Variants in SLCO2A1 observed in about 807,000 individuals in gnomAD.
The protein encoded by SLCO2A1 is matrin F/G 1.
Under a neutral mutation model 71.7 loss-of-function variants are expected in SLCO2A1, and 60 were observed. The ratio of observed to expected loss-of-function variants is 0.84; its 90% CI spans 0.68 to 1.04. The LOEUF is 1.04. Ranked by LOEUF, SLCO2A1 falls within the 50% of genes least tolerant of loss-of-function variation. SLCO2A1 has a pLI of 0.00. For missense variants in SLCO2A1, 745 were observed against 813.4 expected, an observed-to-expected ratio of 0.92 and a Z score of 1.02; for synonymous variants, 308 against 326.7, an observed-to-expected ratio of 0.94 and a Z score of 0.62.
chr3:133,958,721 G>A (rs986503071), intron 3 of SLCO2A1, among the ~76,000 whole-genome samples: 13 of 152,368 alleles, frequency 8.5e-5, no homozygotes, highest in African/African-American at 3.1e-4. Context: ...ATGCATTTCT[G>A]AAGGACATAT....
intron 2 of SLCO2A1, among the ~76,000 whole-genome samples, chr3:133,978,155 T>C (rs1934503822): frequency 6.6e-6 from 1 of 152,128 alleles, no homozygotes; most frequent in Admixed American, 6.5e-5. Flanking sequence ...CCAATGAAGA[T>C]TCCAGCGATG....
chr3:133,935,394 GCCC>G (rs1427790152), intron 13 of SLCO2A1, among the ~76,000 whole-genome samples: 1 of 152,140 alleles, frequency 6.6e-6, no homozygotes, highest in Non-Finnish European at 1.5e-5. Context: ...CCATGATGTG[GCCC>G]CCCTCTGTCT....
At chr3:133,971,749 T>G (rs1007470416) in intron 3 of SLCO2A1, among the ~76,000 whole-genome samples, 2 of 152,212 alleles carry the variant, frequency 1.3e-5, no homozygotes, top group Non-Finnish European at 2.9e-5. Flanking sequence ...TGAGCATCTA[T>G]GAACTAGGCC....
chr3:133,962,593 C>T (rs533957818), intron 3 of SLCO2A1, among the ~76,000 whole-genome samples: 1 of 152,260 alleles, frequency 6.6e-6, no homozygotes, highest in East Asian at 1.9e-4. Context: ...GAATGGGGGA[C>T]TTGAGTCTCT....
chr3:133,973,878 C>A lies in SLCO2A1; in HGVS notation c.235-53G>T, dbSNP rs140830053. On this transcript the variant is annotated intron_variant, in intron 2 of 13. Coordinates refer to ENST00000310926, the MANE Select transcript of SLCO2A1 (RefSeq NM_005630.3). Reference sequence around the variant, plus strand: ...AGACAAGAGGCCCTGTCCTCACCCACCCACAGAGAAGACCCGATCACACTT... The same window carrying A: ...AGACAAGAGGCCCTGTCCTCACCCAACCACAGAGAAGACCCGATCACACTT... 208 of 1,544,066 alleles carry A rather than the reference C, an allele frequency of 1.3e-4. No individual in the cohort carries two copies. In the East Asian group the frequency reaches 4.3e-3, roughly 32 times the overall value.
intron 3 of SLCO2A1, among the ~76,000 whole-genome samples, chr3:133,963,227 A>C (rs577829119): frequency 6.6e-6 from 1 of 152,302 alleles, no homozygotes; most frequent in African/African-American, 2.4e-5. Context: ...AGTCTCTGTC[A>C]GGAAGGTCTA....
At position 133,955,171 on chromosome 3, in the gene SLCO2A1, G is replaced by A. The variant is rs1576432832; in HGVS notation, c.420C>T (p.Ala140=). 7 of 1,613,748 alleles carry A rather than the reference G, an allele frequency of 4.3e-6. No individual in the cohort carries two copies. The highest frequency in any genetic ancestry group is 1.3e-5 in the African/African-American group (1 of 75,040). Reference sequence around the variant, plus strand: ...CCTGCCAATGCTTCTGGCAGAGCTCGGCCTGCAAGCGGCTGTTGTTCCCTG... The same window carrying A: ...CCTGCCAATGCTTCTGGCAGAGCTCAGCCTGCAAGCGGCTGTTGTTCCCTG... ...ASTGNNSRLQ[A]ELCQKHWQDL... The change falls in exon 4 of 14, where the codon GCC becomes GCT. Residue 140 remains alanine, a synonymous_variant. Coordinates refer to ENST00000310926, the MANE Select transcript of SLCO2A1 (RefSeq NM_005630.3).
intron 3 of SLCO2A1, among the ~76,000 whole-genome samples, chr3:133,965,733 T>C (rs927161734): frequency 8.6e-5 from 13 of 151,996 alleles, no homozygotes; most frequent in Non-Finnish European, 1.9e-4. Context: ...CCCTCTGTCT[T>C]CTTCTCAGGG....
Position 133,995,152 on chromosome 3 carries a change from C to CTA in SLCO2A1, c.97-15535_97-15534insTA, listed in dbSNP as rs537127159. On this transcript the variant is annotated intron_variant, in intron 1 of 13. Coordinates refer to ENST00000310926, the MANE Select transcript of SLCO2A1 (RefSeq NM_005630.3). ...AAACCCCTAGAGCCCCTCTCAGTCA[C>CTA]CACACACCTCCAGGGGAGCCAGTCT... Among the ~76,000 whole-genome samples, 327 of 93,430 alleles carry CTA rather than the reference C, an allele frequency of 3.5e-3. 2 individuals are homozygous for CTA. Among genetic ancestry groups the CTA allele is most frequent in the African/African-American group, 0.01 (309 of 29,978 alleles). The allele number at this position is 93,430 out of a possible 152,430, so 61.3% of individuals were successfully genotyped here.
chr3:133,949,208 C>T (rs1288780861), intron 6 of SLCO2A1: 5 of 553,830 alleles, frequency 9.0e-6, no homozygotes, highest in Admixed American at 3.1e-5. Flanking sequence ...ATGCCTCCCA[C>T]GATACCTGTG....
At chr3:133,953,183 T>A (rs1480805763) in intron 5 of SLCO2A1, among the ~76,000 whole-genome samples, 1 of 152,014 alleles carries the variant, frequency 6.6e-6, no homozygotes, top group Non-Finnish European at 1.5e-5. Flanking sequence ...ACTACAGGCA[T>A]CTGCCACCAC....
Position 133,938,547 on chromosome 3 carries a change from C to T in SLCO2A1, c.1626-54G>A. The T allele has an allele frequency of 3.2e-6, 5 of 1,569,220 alleles. No individual in the cohort carries two copies. In the South Asian group the frequency reaches 4.4e-5, roughly 14 times the overall value. ...GGGAGGATTCAGGGCTGCACGATCCCTTGGGTAAGGGGCAGCCAGCCTCAG... is the reference window on the plus strand; with the variant it reads ...GGGAGGATTCAGGGCTGCACGATCCTTTGGGTAAGGGGCAGCCAGCCTCAG... On this transcript the variant is annotated intron_variant, in intron 11 of 13. Transcript: ENST00000310926.
intron 3 of SLCO2A1, among the ~76,000 whole-genome samples, chr3:133,968,836 C>T (rs561110527): frequency 6.6e-6 from 1 of 152,186 alleles, no homozygotes; most frequent in Non-Finnish European, 1.5e-5. Flanking sequence ...CTGGATAGCT[C>T]GTTTTTTCTC....
intron 3 of SLCO2A1, among the ~76,000 whole-genome samples, chr3:133,970,279 C>T (rs1336975489): frequency 6.6e-6 from 1 of 151,840 alleles, no homozygotes; most frequent in African/African-American, 2.4e-5. Context: ...AAAATAGACA[C>T]TCAGGGATGA....
At chr3:133,939,258 ATT>A (rs1407277535) in intron 11 of SLCO2A1, among the ~76,000 whole-genome samples, 1 of 152,098 alleles carries the variant, frequency 6.6e-6, no homozygotes, top group East Asian at 1.9e-4. Flanking sequence ...GAGGAAGGAG[ATT>A]CAGAGAGAGC....
In SLCO2A1 at chr3:133,948,618, GA is replaced by G. The variant is rs1479813145; in HGVS notation, c.1022del (p.Val341AlafsTer31). The G allele has an allele frequency of 1.9e-6, 3 of 1,614,042 alleles. No individual in the cohort carries two copies. In the African/African-American group the frequency reaches 4.0e-5, roughly 22 times the overall value. On this transcript the variant is annotated frameshift_variant, in exon 8 of 14. Transcript: ENST00000310926. LOFTEE classifies it high-confidence loss of function. ...TGAGGAAGGTGGAGAGGCCAGCAAT[GA>G]CGGAGGAGAAGGTGCACTGGGCCAG... is the stretch of plus-strand genomic sequence containing the variant. Reference protein sequence around the residue: ...VVLAQCTFSSVIAGLSTFLNK... With the variant: ...VVLAQCTFSSXIAGLSTFLNK...
At chr3:133,951,491 A>T in intron 5 of SLCO2A1, 147 bp from the exon 6 acceptor site, 1 of 936,682 alleles carries the variant, frequency 1.1e-6, no homozygotes, top group South Asian at 1.7e-5. Flanking sequence ...TGGTCAAAAC[A>T]ACATTCCCTC....
chr3:134,029,780 C>T lies in SLCO2A1; in HGVS notation c.23G>A (p.Gly8Asp). The T allele has an allele frequency of 6.5e-7, 1 of 1,547,652 alleles. No homozygotes were observed. Among genetic ancestry groups the T allele is most frequent in the Non-Finnish European group, 8.7e-7 (1 of 1,152,734 alleles). Residue 8 changes from glycine to aspartate, a missense_variant, in exon 1 of 14, where the codon GGC becomes GAC. Transcript: ENST00000310926. Reference protein sequence around the residue: MGLLPKLGASQGSDTSTS... With the variant: MGLLPKLDASQGSDTSTS... ...AGAGGTGTCGCTGCCCTGGGACGCGCCGAGCTTGGGCAGGAGCCCCATGGC... is the reference window on the plus strand; with the variant it reads ...AGAGGTGTCGCTGCCCTGGGACGCGTCGAGCTTGGGCAGGAGCCCCATGGC...
intron 3 of SLCO2A1, among the ~76,000 whole-genome samples, chr3:133,959,468 G>A (rs1158749710): frequency 6.6e-6 from 1 of 151,606 alleles, no homozygotes; most frequent in Non-Finnish European, 1.5e-5. Context: ...CATCGCTGGT[G>A]AGAATGTAAA....
Sources: allele counts gnomAD v4.1 joint callset (sites outside exome capture counted in the v4.1 genomes callset), GRCh38; gene constraint gnomAD v4.1.1; transcripts MANE v1.5; gene names NCBI Gene and HGNC (gene_info 2026-07-23, HGNC 2026-07-21).